The following CFAP20DC variants were observed in gnomAD, a reference collection of about 807,000 sequenced individuals.
The protein encoded by CFAP20DC is protein CFAP20DC.
CFAP20DC carries 84 observed loss-of-function variants against 101.7 expected under a neutral mutation model. The observed-to-expected ratio is 0.83, with a 90% CI of 0.69 to 0.99. The LOEUF (loss-of-function observed/expected upper bound fraction) is 0.99, where lower values mean the gene tolerates loss of function less well. CFAP20DC is among the 50% of genes least tolerant of loss of function. The pLI is 0.00. For missense variants in CFAP20DC, 1,007 were observed against 970.3 expected, an observed-to-expected ratio of 1.04 and a Z score of -0.50; for synonymous variants, 359 against 351.2, an observed-to-expected ratio of 1.02 and a Z score of -0.25.
chr3:58,995,368 T>C (rs1181223696), intron 4 of CFAP20DC, among the ~76,000 whole-genome samples: 1 of 76,888 alleles, frequency 1.3e-5, no homozygotes, highest in African/African-American at 4.7e-5. Flanking sequence ...TTGTCAAAAA[T>C]ATCTCACTAA....
At chr3:58,742,601 T>C in intron 16 of CFAP20DC, 29 bp from the exon 17 acceptor site, 6 of 1,548,654 alleles carry the variant, frequency 3.9e-6, no homozygotes, top group Non-Finnish European at 5.3e-6. Context: ...ACAGACACAT[T>C]AGCTGTTGGC....
intron 4 of CFAP20DC, among the ~76,000 whole-genome samples, chr3:59,008,303 C>T (rs1324554019): frequency 1.3e-5 from 2 of 152,158 alleles, no homozygotes; most frequent in Non-Finnish European, 2.9e-5. Context: ...GGCATGGGAG[C>T]TCTGGTAGTT....
At chr3:58,834,026 T>C (rs1338104746) in intron 13 of CFAP20DC, among the ~76,000 whole-genome samples, 2 of 152,030 alleles carry the variant, frequency 1.3e-5, no homozygotes, top group Non-Finnish European at 2.9e-5. Flanking sequence ...GATTAGCGGA[T>C]GGTGGGGCTG....
At position 58,859,694 on chromosome 3, in the gene CFAP20DC, T is replaced by A. The variant is rs1043988549; in HGVS notation, c.1593+3864A>T. 6.6e-6 allele frequency among the ~76,000 whole-genome samples: 1 copy of A among 152,214 alleles called. No individual in the cohort carries two copies. The highest frequency in any genetic ancestry group is 1.5e-5 in the Non-Finnish European group (1 of 68,036). ...CCTGGTAGGTATACAGAATATGTTA[T>A]GTTCTAATTCATAATACATAGGAAT... On this transcript the variant is annotated intron_variant, in intron 12 of 16. Coordinates refer to ENST00000482387, the MANE Select transcript of CFAP20DC (RefSeq NM_001394063.1). The surrounding 1 kb of genome is among the most constrained non-coding windows in gnomAD (Gnocchi z 4.1).
intron 4 of CFAP20DC, chr3:59,018,662 C>A (rs151011767): frequency 6.6e-6 from 1 of 152,062 alleles, no homozygotes; most frequent in Non-Finnish European, 1.5e-5. Context: ...GTGAAAGACA[C>A]AGAAAGGCTG....
intron 6 of CFAP20DC, among the ~76,000 whole-genome samples, chr3:58,896,772 T>C (rs1279938215): frequency 6.6e-6 from 1 of 152,214 alleles, no homozygotes; most frequent in Non-Finnish European, 1.5e-5. Flanking sequence ...TTCAATTCTT[T>C]TGCATTTGCT....
chr3:58,851,312 T>G (rs564348019), intron 12 of CFAP20DC, among the ~76,000 whole-genome samples: 2 of 152,110 alleles, frequency 1.3e-5, no homozygotes, highest in African/African-American at 2.4e-5. Context: ...CAGTAGACTA[T>G]TGTATTGTTA....
chr3:58,966,497 T>C (rs1013190533), intron 4 of CFAP20DC, among the ~76,000 whole-genome samples: 1 of 113,286 alleles, frequency 8.8e-6, no homozygotes, highest in African/African-American at 2.8e-5. Context: ...TATACACATA[T>C]GTGTGTGTGT....
intron 4 of CFAP20DC, among the ~76,000 whole-genome samples, chr3:58,951,642 C>A (rs1046889776): frequency 2.6e-5 from 4 of 151,852 alleles, no homozygotes; most frequent in African/African-American, 9.7e-5. Context: ...TCATTCTCAG[C>A]AAACTATTGC....
chr3:58,862,240 G>A, intron 12 of CFAP20DC: 1 of 985,290 alleles, frequency 1.0e-6, no homozygotes, highest in Non-Finnish European at 1.2e-6. Flanking sequence ...AAGGGGATGA[G>A]TCTATTCTAT....
intron 4 of CFAP20DC, among the ~76,000 whole-genome samples, chr3:58,998,687 AG>A (rs1199142617): frequency 3.3e-5 from 5 of 152,170 alleles, no homozygotes; most frequent in Admixed American, 6.5e-5. Context: ...AGTGGAACTG[AG>A]CAGACATGAC....
intron 6 of CFAP20DC, among the ~76,000 whole-genome samples, chr3:58,911,296 T>C (rs1295867298): frequency 2.0e-5 from 3 of 152,184 alleles, no homozygotes; most frequent in Non-Finnish European, 4.4e-5. Flanking sequence ...ATTACTGTTA[T>C]GTGCCACAAC....
chr3:58,990,754 GGTGTGTGTGTGTGT>G (rs71091398), intron 4 of CFAP20DC, among the ~76,000 whole-genome samples: 4 of 143,926 alleles, frequency 2.8e-5, no homozygotes, highest in African/African-American at 7.8e-5. Flanking sequence ...ATGCTCAGCT[GGTGTGTGTGTGTGT>G]GTGTGTGTGT....
In CFAP20DC at chr3:58,862,673, C is replaced by T. The variant is rs114008318; in HGVS notation, c.1593+885G>A. ...TCCAAAAAGGATTCTTAATCAGTTA[C>T]GTTATAAAAATATTTTGTGGGCACA... On this transcript the variant is annotated intron_variant, in intron 12 of 16. Coordinates refer to ENST00000482387, the MANE Select transcript of CFAP20DC (RefSeq NM_001394063.1). 1,113 of 981,220 alleles carry T rather than the reference C, an allele frequency of 1.1e-3. 9 individuals carry two copies. In the African/African-American group the frequency reaches 0.017, roughly 15 times the overall value. The allele number at this position is 981,220 out of a possible 1,614,324, so 60.8% of individuals were successfully genotyped here. A position where few individuals can be genotyped will look rare whatever the true frequency, so the allele number is the denominator to read the frequency against.
chr3:59,001,858 T>C lies in CFAP20DC; in HGVS notation c.278+37699A>G, dbSNP rs766185562. ...TTACTATAGTAATCAGTGGGCTTCC[T>C]GGGCTCTCTGCCAATTAGTGTGGCT... is the stretch of plus-strand genomic sequence containing the variant. On this transcript the variant is annotated intron_variant, in intron 4 of 16. Transcript: ENST00000482387. This position sits in a 1 kb window ranked among gnomAD's most constrained non-coding sequence, Gnocchi z 4.5. 6.6e-6 allele frequency among the ~76,000 whole-genome samples: 1 copy of C among 152,184 alleles called. No homozygotes were observed. The highest frequency in any genetic ancestry group is 1.5e-5 in the Non-Finnish European group (1 of 68,032).
At chr3:58,827,604 G>GCA (rs1416235725) in intron 14 of CFAP20DC, among the ~76,000 whole-genome samples, 129 of 152,154 alleles carry the variant, frequency 8.5e-4, no homozygotes, top group African/African-American at 2.9e-3. Flanking sequence ...TTGTCTGCAT[G>GCA]GTAAACTTGA....
At chr3:58,940,947 A>G (rs1034440350) in intron 4 of CFAP20DC, among the ~76,000 whole-genome samples, 1 of 152,242 alleles carries the variant, frequency 6.6e-6, no homozygotes, top group South Asian at 2.1e-4. Flanking sequence ...AATGTTTTAT[A>G]GTTTTCATTT....
In CFAP20DC at chr3:58,729,612, T is replaced by C. The variant is rs2067606215; in HGVS notation, c.198-11984A>G. The stretch of plus-strand genomic sequence containing the variant: ...GCAAATAATGACAGTGTTGTGTCTT[T>C]CTAATTCATATGGCTTTTATTTTTA... On this transcript the variant is annotated intron_variant, in intron 3 of 3. Transcript: ENST00000486145. This position sits in a 1 kb window ranked among gnomAD's most constrained non-coding sequence, Gnocchi z 4.4. 6.6e-6 allele frequency among the ~76,000 whole-genome samples: 1 copy of C among 152,244 alleles called. No individual in the cohort carries two copies. The highest frequency in any genetic ancestry group is 1.5e-5 in the Non-Finnish European group (1 of 68,042).
At chr3:59,031,227 G>C (rs1421004731) in intron 4 of CFAP20DC, among the ~76,000 whole-genome samples, 1 of 152,164 alleles carries the variant, frequency 6.6e-6, no homozygotes, top group Non-Finnish European at 1.5e-5. Context: ...CATAGAAAAA[G>C]AGGGCTCATC....
Sources: gnomAD v4.1 joint callset for allele counts (sites outside exome capture counted in the v4.1 genomes callset) on GRCh38, gnomAD v4.1.1 for gene constraint, Gnocchi (gnomAD v3.1) non-coding constraint, MANE v1.5 for transcripts, NCBI Gene and HGNC (gene_info 2026-07-23, HGNC 2026-07-21) for gene names.